Variants in SPOCK3 observed in about 807,000 individuals in gnomAD.
SPOCK3 encodes SPARC (osteonectin), cwcv and kazal like domains proteoglycan 3.
Under a neutral mutation model 56.6 loss-of-function variants are expected in SPOCK3, and 30 were observed. The ratio of observed to expected loss-of-function variants is 0.53; its 90% CI spans 0.40 to 0.72. The LOEUF is 0.72. Among genes scored for constraint, SPOCK3 ranks in the 30% least tolerant of loss-of-function variants. The pLI is 0.00. For synonymous variants in SPOCK3, 196 were observed against 183.3 expected, an observed-to-expected ratio of 1.07 and a Z score of -0.56; for missense variants, 527 against 530.0, an observed-to-expected ratio of 0.99 and a Z score of 0.06.
chr4:167,050,769 T>G (rs1025232160), intron 3 of SPOCK3, among the ~76,000 whole-genome samples: 4 of 152,168 alleles, frequency 2.6e-5, no homozygotes, highest in Non-Finnish European at 4.4e-5. Flanking sequence ...TTGAAGACAT[T>G]ACACTAAGTG....
intron 6 of SPOCK3, among the ~76,000 whole-genome samples, chr4:166,854,632 T>C (rs1430690523): frequency 6.6e-6 from 1 of 152,202 alleles, no homozygotes; most frequent in Non-Finnish European, 1.5e-5. Context: ...GAAAAATATG[T>C]TATCAAAATT....
At chr4:166,819,075 G>A (rs1315705515) in intron 6 of SPOCK3, among the ~76,000 whole-genome samples, 1 of 151,856 alleles carries the variant, frequency 6.6e-6, no homozygotes, top group Non-Finnish European at 1.5e-5. Flanking sequence ...GCTTACCCTT[G>A]TCATTATTTT....
At chr4:166,853,401 C>T (rs889429894) in intron 6 of SPOCK3, among the ~76,000 whole-genome samples, 1 of 152,160 alleles carries the variant, frequency 6.6e-6, no homozygotes, top group African/African-American at 2.4e-5. Context: ...TTCCTACATG[C>T]TGATCTCCTC....
At chr4:166,965,783 C>G (rs1398714405) in intron 4 of SPOCK3, among the ~76,000 whole-genome samples, 1 of 151,998 alleles carries the variant, frequency 6.6e-6, no homozygotes, top group Admixed American at 6.6e-5. Flanking sequence ...TCTCAACACC[C>G]CTATTATCGA....
chr4:167,025,551 C>T (rs888613288), intron 3 of SPOCK3, among the ~76,000 whole-genome samples: 4 of 151,958 alleles, frequency 2.6e-5, no homozygotes, highest in Admixed American at 1.3e-4. Context: ...AGGGGTTTCT[C>T]CTCCAGGTCA....
chr4:167,070,440 TATA>T (rs973318362), intron 2 of SPOCK3, among the ~76,000 whole-genome samples: 12 of 152,006 alleles, frequency 7.9e-5, no homozygotes, highest in African/African-American at 2.9e-4. Flanking sequence ...ATATAAATAA[TATA>T]ATGATTTTGT....
chr4:166,971,245 A>G (rs1341502783), intron 4 of SPOCK3, among the ~76,000 whole-genome samples: 1 of 152,116 alleles, frequency 6.6e-6, no homozygotes, highest in Non-Finnish European at 1.5e-5. Flanking sequence ...CATGTAAATA[A>G]TTCTGCTATT....
intron 2 of SPOCK3, among the ~76,000 whole-genome samples, chr4:167,162,000 C>T (rs1765360268): frequency 6.6e-6 from 1 of 151,956 alleles, no homozygotes; most frequent in Non-Finnish European, 1.5e-5. Context: ...TGTAACAAAC[C>T]TGCACGTTGT....
intron 2 of SPOCK3, among the ~76,000 whole-genome samples, chr4:167,074,163 T>C (rs1474516471): frequency 6.6e-6 from 1 of 151,950 alleles, no homozygotes; most frequent in South Asian, 2.1e-4. Flanking sequence ...AGGAATCCAC[T>C]TGAGTTTGCA....
intron 2 of SPOCK3, among the ~76,000 whole-genome samples, chr4:167,140,357 A>C (rs1422122530): frequency 2.0e-5 from 3 of 152,212 alleles, no homozygotes; most frequent in Non-Finnish European, 4.4e-5. Context: ...TTATCTTAAT[A>C]GACATAGCTT....
chr4:167,055,346 T>G, intron 3 of SPOCK3, among the ~76,000 whole-genome samples: 1 of 152,194 alleles, frequency 6.6e-6, no homozygotes, highest in African/African-American at 2.4e-5. Flanking sequence ...TAGGAACAGC[T>G]CCGGTCTACA....
chr4:167,140,303 A>G (rs2086326105), intron 2 of SPOCK3, among the ~76,000 whole-genome samples: 1 of 152,134 alleles, frequency 6.6e-6, no homozygotes, highest in African/African-American at 2.4e-5. Context: ...TGTTGGTAAC[A>G]GTTGTAAATA....
chr4:167,160,882 A>C (rs1765241464), intron 2 of SPOCK3, among the ~76,000 whole-genome samples: 2 of 152,162 alleles, frequency 1.3e-5, no homozygotes, highest in South Asian at 4.1e-4. Flanking sequence ...CTTATACAAA[A>C]ATTAATTCGA....
intron 6 of SPOCK3, among the ~76,000 whole-genome samples, chr4:166,868,602 A>G (rs1457670425): frequency 6.6e-6 from 1 of 152,168 alleles, no homozygotes; most frequent in Non-Finnish European, 1.5e-5. Flanking sequence ...TCAAGTATAG[A>G]TCATAAAATA....
chr4:167,091,533 G>C (rs186419212), intron 2 of SPOCK3, among the ~76,000 whole-genome samples: 3 of 152,184 alleles, frequency 2.0e-5, no homozygotes, highest in African/African-American at 4.8e-5. Flanking sequence ...TGTTAATACT[G>C]TATCTCTTCA....
At chr4:167,072,832 T>G (rs1370172480) in intron 2 of SPOCK3, among the ~76,000 whole-genome samples, 1 of 151,834 alleles carries the variant, frequency 6.6e-6, no homozygotes, top group Non-Finnish European at 1.5e-5. Flanking sequence ...TAGAAAAAAT[T>G]TTAGACACAG....
intron 6 of SPOCK3, among the ~76,000 whole-genome samples, chr4:166,817,763 A>G (rs957849334): frequency 6.6e-6 from 1 of 152,098 alleles, no homozygotes; most frequent in Non-Finnish European, 1.5e-5. Flanking sequence ...TAATACAAGA[A>G]GAAAAATAGC....
chr4:167,199,514 G>T (rs1733303254), intron 2 of SPOCK3, among the ~76,000 whole-genome samples: 1 of 151,802 alleles, frequency 6.6e-6, no homozygotes, highest in Admixed American at 6.6e-5. Context: ...TAGCTCCACA[G>T]TTCTTCATGT....
intron 2 of SPOCK3, among the ~76,000 whole-genome samples, chr4:167,109,951 T>C (rs1760759193): frequency 6.6e-6 from 1 of 152,018 alleles, no homozygotes; most frequent in African/African-American, 2.4e-5. Context: ...CATTTCTTAC[T>C]TTCTAGCCTT....
Sources: allele counts gnomAD v4.1 joint callset (sites outside exome capture counted in the v4.1 genomes callset), GRCh38; gene constraint gnomAD v4.1.1; transcripts MANE v1.5; gene names NCBI Gene and HGNC (gene_info 2026-07-23, HGNC 2026-07-21).